The following HYCC1 variants were observed in gnomAD, a reference collection of about 807,000 sequenced individuals.
HYCC1 encodes the protein hyccin.
the HYCC1 span, chr7:22,977,307 G>A: frequency 5.5e-6 from 7 of 1,281,860 alleles, no homozygotes; most frequent in Middle Eastern, 1.1e-3. Context: ...AAAGCTTAGG[G>A]TCAATAAACT....
the HYCC1 span, among the ~76,000 whole-genome samples, chr7:22,973,414 T>C: frequency 6.6e-6 from 1 of 152,210 alleles, no homozygotes; most frequent in South Asian, 2.1e-4. Flanking sequence ...ATTTTATCAT[T>C]GAGAATACAG....
At chr7:22,985,948 A>G in the HYCC1 span, among the ~76,000 whole-genome samples, 1 of 150,630 alleles carries the variant, frequency 6.6e-6, no homozygotes, top group Non-Finnish European at 1.5e-5. Flanking sequence ...TCTAACATAT[A>G]TATCTAACTA....
chr7:22,980,043 CAA>C, the HYCC1 span, among the ~76,000 whole-genome samples: 1 of 152,110 alleles, frequency 6.6e-6, no homozygotes. Context: ...GAAACTAAGA[CAA>C]AGAGGCTATC....
the HYCC1 span, among the ~76,000 whole-genome samples, chr7:23,006,952 T>C: frequency 2.0e-5 from 3 of 152,238 alleles, no homozygotes; most frequent in African/African-American, 7.2e-5. Context: ...CATAACATTC[T>C]TACAAGGTAC....
chr7:22,911,566 T>C, the HYCC1 span, among the ~76,000 whole-genome samples: 1 of 152,190 alleles, frequency 6.6e-6, no homozygotes, highest in Non-Finnish European at 1.5e-5. Flanking sequence ...GAGACCATCC[T>C]AGCCAACATG....
the HYCC1 span, among the ~76,000 whole-genome samples, chr7:22,983,127 G>A: frequency 2.0e-5 from 3 of 151,960 alleles, no homozygotes; most frequent in South Asian, 2.1e-4. Context: ...CCAGGAGTTC[G>A]GGACCAGCCT....
chr7:22,911,188 C>T, the HYCC1 span, among the ~76,000 whole-genome samples: 1 of 152,130 alleles, frequency 6.6e-6, no homozygotes, highest in African/African-American at 2.4e-5. Flanking sequence ...TGGACCTGTG[C>T]GATGGCCATC....
the HYCC1 span, among the ~76,000 whole-genome samples, chr7:23,003,890 A>C: frequency 2.6e-5 from 4 of 152,350 alleles, no homozygotes; most frequent in East Asian, 5.8e-4. Flanking sequence ...TAAAAACAAC[A>C]GATCTTGACT....
At chr7:22,974,303 T>C in the HYCC1 span, among the ~76,000 whole-genome samples, 1 of 152,200 alleles carries the variant, frequency 6.6e-6, no homozygotes, top group Non-Finnish European at 1.5e-5. Context: ...TGTTAAATAA[T>C]GTTGATGGTA....
the HYCC1 span, among the ~76,000 whole-genome samples, chr7:22,986,958 G>A: frequency 1.3e-5 from 2 of 152,184 alleles, no homozygotes; most frequent in African/African-American, 4.8e-5. Context: ...TTGAGTAGCA[G>A]AGAATTAATG....
the HYCC1 span, among the ~76,000 whole-genome samples, chr7:22,904,700 T>G: frequency 3.3e-5 from 5 of 151,542 alleles, no homozygotes; most frequent in African/African-American, 4.8e-5. Flanking sequence ...TGACAGCACT[T>G]TGGGAGGTCG....
At chr7:22,999,048 C>T in the HYCC1 span, among the ~76,000 whole-genome samples, 1 of 152,146 alleles carries the variant, frequency 6.6e-6, no homozygotes, top group African/African-American at 2.4e-5. Flanking sequence ...GCAAGGTAAG[C>T]TGCCAGGAGA....
chr7:22,957,182 A>G, the HYCC1 span, among the ~76,000 whole-genome samples: 31 of 151,892 alleles, frequency 2.0e-4, no homozygotes, highest in Non-Finnish European at 4.0e-4. Flanking sequence ...ATATCCATTA[A>G]TTGCTCTAAT....
At chr7:22,927,168 G>A in the HYCC1 span, among the ~76,000 whole-genome samples, 1 of 152,106 alleles carries the variant, frequency 6.6e-6, no homozygotes, top group Non-Finnish European at 1.5e-5. Context: ...GAATCTCTGG[G>A]ACACATTCAA....
chr7:22,945,714 ACC>A, the HYCC1 span: 1 of 1,613,746 alleles, frequency 6.2e-7, no homozygotes, highest in Admixed American at 1.7e-5. Context: ...CAAGCGGAAA[ACC>A]TATTGGCATC....
the HYCC1 span, among the ~76,000 whole-genome samples, chr7:22,969,197 T>C: frequency 3.9e-5 from 6 of 152,044 alleles, no homozygotes; most frequent in East Asian, 1.2e-3. Flanking sequence ...TTTTTTAAGA[T>C]GGAGTATCAC....
the HYCC1 span, chr7:22,976,820 A>G: frequency 4.6e-6 from 7 of 1,512,032 alleles, no homozygotes; most frequent in Admixed American, 6.7e-5. Flanking sequence ...TAGAGAAAAG[A>G]CATTTGAATA....
chr7:22,946,982 A>G, the HYCC1 span: 1 of 1,549,240 alleles, frequency 6.5e-7, no homozygotes, highest in South Asian at 1.2e-5. Flanking sequence ...TGCTCTGCTA[A>G]AACTGCACTC....
chr7:22,990,494 T>C, the HYCC1 span, among the ~76,000 whole-genome samples: 1 of 152,270 alleles, frequency 6.6e-6, no homozygotes, highest in East Asian at 1.9e-4. Flanking sequence ...TAATTATGTG[T>C]CACATAAGGA....
Sources: allele counts gnomAD v4.1 joint callset (sites outside exome capture counted in the v4.1 genomes callset), GRCh38; gene constraint gnomAD v4.1.1; transcripts MANE v1.5; gene names NCBI Gene and HGNC (gene_info 2026-07-23, HGNC 2026-07-21).